The following SLC12A2 variants were observed in gnomAD, a reference collection of about 807,000 sequenced individuals.
The protein encoded by SLC12A2 is Na-K-2Cl cotransporter 1.
In SLC12A2, 67 loss-of-function variants were observed where a neutral mutation model predicts 136.3. That is an observed-to-expected ratio of 0.49 (90% CI 0.40 to 0.60). SLC12A2 has a LOEUF of 0.60. SLC12A2 is among the 20% of genes least tolerant of loss of function. SLC12A2 has a pLI of 0.00. For synonymous variants in SLC12A2, 619 were observed against 562.9 expected (o/e 1.10, Z -1.41); for missense variants, 1,322 against 1,534.7 (o/e 0.86, Z 2.32).
At chr5:128,113,544 T>A (rs530917660) in intron 2 of SLC12A2, among the ~76,000 whole-genome samples, 2 of 152,302 alleles carry the variant, frequency 1.3e-5, no homozygotes, top group Non-Finnish European at 2.9e-5. Flanking sequence ...TAATAGGGGT[T>A]GTATTGGAAT....
rs3083293 is a variant in SLC12A2 at position 128,154,068 on chromosome 5, C to CAAA, written c.2363+1273_2363+1275dup. Among the ~76,000 whole-genome samples, 291 of 137,878 alleles carry CAAA rather than the reference C, an allele frequency of 2.1e-3. 2 individuals are homozygous for CAAA. Among genetic ancestry groups the CAAA allele is most frequent in the African/African-American group, 5.7e-3 (215 of 37,808 alleles). 90.5% of individuals were successfully genotyped at this position (137,878 alleles called of 152,430 possible). On this transcript the variant is annotated intron_variant, in intron 15 of 26. Coordinates refer to ENST00000262461, the MANE Select transcript of SLC12A2 (RefSeq NM_001046.3). ...ATTTGCCGTCAATTAAAAAAAAAAA[C>CAAA]AAAAAAAAAAAACCTCTTGCTTTGG...
chr5:128,178,085 T>C (rs776057716), intron 21 of SLC12A2, among the ~76,000 whole-genome samples: 4 of 152,204 alleles, frequency 2.6e-5, no homozygotes, highest in Non-Finnish European at 5.9e-5. Flanking sequence ...TGTTAGTATG[T>C]CTTCAACTCC....
chr5:128,114,717 T>C (rs886505071), intron 4 of SLC12A2, 36 bp downstream of exon 4: 7 of 1,212,740 alleles, frequency 5.8e-6, no homozygotes, highest in Non-Finnish European at 8.6e-6. Context: ...ATCATCAGAT[T>C]ACTCTTACTA....
At chr5:128,096,776 G>A (rs533806023) in intron 1 of SLC12A2, among the ~76,000 whole-genome samples, 43 of 152,072 alleles carry the variant, frequency 2.8e-4, no homozygotes, top group African/African-American at 9.9e-4. Flanking sequence ...TTGCTGATCA[G>A]AAACAAATTT....
rs760061644 is a variant in SLC12A2, at chr5:128,084,501, A to G, written c.547A>G (p.Ser183Gly). The G allele has an allele frequency of 5.6e-6, 9 of 1,611,438 alleles. No individual in the cohort carries two copies. The highest frequency in any genetic ancestry group is 4.2e-6 in the Non-Finnish European group (5 of 1,179,404). ...NGGDTVLSEG[S>G]SLHSGGGGGS... ...CGGGGACACGGTGCTGAGCGAGGGC[A>G]GCAGCCTGCACTCCGGCGGCGGCGG... Residue 183 changes from serine to glycine, a missense_variant, in exon 1 of 27, where the codon AGC (serine) becomes GGC (glycine). Coordinates refer to ENST00000262461, the MANE Select transcript of SLC12A2 (RefSeq NM_001046.3). This position sits in a 1 kb window ranked among gnomAD's most constrained non-coding sequence, Gnocchi z 5.6.
intron 1 of SLC12A2, among the ~76,000 whole-genome samples, chr5:128,085,104 G>T (rs1760044849): frequency 6.6e-6 from 1 of 151,752 alleles, no homozygotes; most frequent in Non-Finnish European, 1.5e-5. Flanking sequence ...CATCTGTGTC[G>T]TTTTGAAAGA....
intron 1 of SLC12A2, among the ~76,000 whole-genome samples, chr5:128,099,711 C>T (rs1181839597): frequency 2.0e-5 from 3 of 152,078 alleles, no homozygotes; most frequent in Admixed American, 2.0e-4. Flanking sequence ...TTTTAAACAT[C>T]TGTTTTTTTG....
intron 10 of SLC12A2, among the ~76,000 whole-genome samples, chr5:128,145,167 C>G (rs892778148): frequency 2.0e-5 from 3 of 152,060 alleles, no homozygotes; most frequent in African/African-American, 7.2e-5. Context: ...TTATTTACTT[C>G]AATTTATAAC....
At chr5:128,109,920 G>A in intron 1 of SLC12A2, 1 of 814,442 alleles carries the variant, frequency 1.2e-6, no homozygotes, top group Non-Finnish European at 2.2e-6. Flanking sequence ...AGTGCAGCCT[G>A]GCTACGGGGG....
intron 14 of SLC12A2, among the ~76,000 whole-genome samples, 195 bp downstream of exon 14, chr5:128,151,591 AAC>A (rs1762704910): frequency 6.6e-6 from 1 of 152,076 alleles, no homozygotes; most frequent in Non-Finnish European, 1.5e-5. Flanking sequence ...GTTTTAATAA[AAC>A]AGTTACTTTG....
chr5:128,171,135 A>T (rs1763364198), intron 18 of SLC12A2: 1 of 152,304 alleles, frequency 6.6e-6, no homozygotes, highest in African/African-American at 2.4e-5. Flanking sequence ...GTAAATATAT[A>T]TTTTCAGATG....
chr5:128,147,613 T>C lies in SLC12A2; in HGVS notation c.1774-9T>C. On this transcript the variant is annotated splice_polypyrimidine_tract_variant and intron_variant, in intron 10 of 26. Transcript: ENST00000262461. ...ATTTATTTTTCCATTTTTGTCACTT[T>C]TATTTAAGGTAATGAGTATGGTGTC... 1.3e-6 allele frequency: 2 copies of C among 1,557,890 alleles called. No homozygotes were observed. Among genetic ancestry groups the C allele is most frequent in the Admixed American group, 3.4e-5 (2 of 58,912 alleles).
chr5:128,158,309 G>A, intron 16 of SLC12A2, 145 bp downstream of exon 16: 1 of 638,288 alleles, frequency 1.6e-6, no homozygotes, highest in Non-Finnish European at 2.7e-6. Flanking sequence ...CAGGTAATAA[G>A]CATAGTACCC....
chr5:128,114,932 C>G (rs1224679172), intron 4 of SLC12A2, among the ~76,000 whole-genome samples: 2 of 152,092 alleles, frequency 1.3e-5, no homozygotes, highest in Non-Finnish European at 2.9e-5. Flanking sequence ...GGTCTCTTAT[C>G]CACTGGGCTG....
At chr5:128,154,657 C>T (rs866035581) in intron 15 of SLC12A2, among the ~76,000 whole-genome samples, 9 of 152,168 alleles carry the variant, frequency 5.9e-5, no homozygotes, top group Middle Eastern at 3.4e-3. Context: ...CCAGGACCCT[C>T]GGTGGATAGC....
intron 22 of SLC12A2, among the ~76,000 whole-genome samples, chr5:128,179,943 C>T (rs1168698098): frequency 3.4e-5 from 3 of 89,546 alleles, no homozygotes; most frequent in Non-Finnish European, 6.7e-5. Flanking sequence ...ATGTCCCAAT[C>T]GTTCCTTTTT....
chr5:128,110,591 A>T lies in SLC12A2; in HGVS notation c.757-2223A>T. ...AAGCATAAGTATCAAATAAATATTG[A>T]TGGCATCGTAGCAGCTTATCACCTG... On this transcript the variant is annotated intron_variant, in intron 1 of 26. Coordinates refer to ENST00000262461, the MANE Select transcript of SLC12A2 (RefSeq NM_001046.3). 7.2e-6 allele frequency: 8 copies of T among 1,107,802 alleles called. No homozygotes were observed. In the South Asian group the frequency reaches 9.9e-5, roughly 14 times the overall value. The allele number at this position is 1,107,802 out of a possible 1,614,324, so 68.6% of individuals were successfully genotyped here.
chr5:128,102,139 C>A (rs527917204), intron 1 of SLC12A2, among the ~76,000 whole-genome samples: 18 of 151,894 alleles, frequency 1.2e-4, no homozygotes, highest in Non-Finnish European at 2.4e-4. Context: ...ATTTATTGAG[C>A]TCTTACTTTA....
intron 16 of SLC12A2, among the ~76,000 whole-genome samples, chr5:128,158,639 T>C (rs1331063923): frequency 2.6e-5 from 4 of 152,180 alleles, no homozygotes; most frequent in Non-Finnish European, 4.4e-5. Context: ...GTCTTTGATG[T>C]TGTGAATAGT....
Sources: allele counts gnomAD v4.1 joint callset (sites outside exome capture counted in the v4.1 genomes callset), GRCh38; gene constraint gnomAD v4.1.1; non-coding constraint Gnocchi (gnomAD v3.1); transcripts MANE v1.5; gene names NCBI Gene and HGNC (gene_info 2026-07-23, HGNC 2026-07-21).